Variants in HMGA2 observed in about 807,000 individuals in gnomAD.
HMGA2 encodes high mobility group protein HMGI-C.
HMGA2 carries 8 observed loss-of-function variants against 19.1 expected under a neutral mutation model. That is an observed-to-expected ratio of 0.42 (90% CI 0.25 to 0.76). The LOEUF (loss-of-function observed/expected upper bound fraction) is 0.76, where lower values mean the gene tolerates loss of function less well. Ranked by LOEUF, HMGA2 falls within the 30% of genes least tolerant of loss-of-function variation. The probability of loss-of-function intolerance (pLI) is 0.28; values close to 1 mark genes in which losing one functional copy is unlikely to be tolerated. For synonymous variants in HMGA2, 60 were observed against 48.8 expected (o/e 1.23, Z -0.96); for missense variants, 109 against 136.3 (o/e 0.80, Z 1.00).
chr12:65,905,158 G>A (rs1350678285), intron 3 of HMGA2, among the ~76,000 whole-genome samples: 1 of 151,740 alleles, frequency 6.6e-6, no homozygotes, highest in Non-Finnish European at 1.5e-5. Context: ...TATTTTGGGA[G>A]TAGGTTATAA....
chr12:65,863,875 C>T (rs547290495), intron 3 of HMGA2, among the ~76,000 whole-genome samples: 5 of 152,214 alleles, frequency 3.3e-5, no homozygotes, highest in East Asian at 1.9e-4. Flanking sequence ...TTTGGCTAAG[C>T]GATTTTAGTA....
chr12:65,866,025 C>A (rs1872391009), intron 3 of HMGA2, among the ~76,000 whole-genome samples: 1 of 152,110 alleles, frequency 6.6e-6, no homozygotes, highest in Non-Finnish European at 1.5e-5. Context: ...CTCTGGGAAT[C>A]ATAGCAAGTG....
At chr12:65,936,212 A>AT (rs5798799) in intron 3 of HMGA2, among the ~76,000 whole-genome samples, 83,375 of 144,512 alleles carry the variant, frequency 0.58, 24,344 homozygotes, top group African/African-American at 0.65. Context: ...TGTTCCATTC[A>AT]TTTTTTTTTT....
In HMGA2 at chr12:65,847,118, T is replaced by G. The variant is rs1206926988; in HGVS notation, c.249+8549T>G. Among the ~76,000 whole-genome samples the G allele has an allele frequency of 2.0e-5, 3 of 152,194 alleles. No individual in the cohort carries two copies. In the East Asian group the frequency reaches 5.8e-4, roughly 29 times the overall value. ...CACACACACACTTATATATGATATA[T>G]GAATTGGTTGTGCTATGTGCTGTGT... is the stretch of plus-strand genomic sequence containing the variant. On this transcript the variant is annotated intron_variant, in intron 3 of 4. Transcript: ENST00000403681.
intron 3 of HMGA2, among the ~76,000 whole-genome samples, chr12:65,937,618 C>T (rs1875941717): frequency 6.6e-6 from 1 of 152,188 alleles, no homozygotes; most frequent in Admixed American, 6.5e-5. Context: ...GGAACAGCTA[C>T]ACCCTTTGGT....
intron 3 of HMGA2, among the ~76,000 whole-genome samples, chr12:65,899,209 C>T (rs989491746): frequency 6.6e-6 from 1 of 152,142 alleles, no homozygotes; most frequent in African/African-American, 2.4e-5. Flanking sequence ...TGCTTCCGAA[C>T]AGATGAAAAC....
chr12:65,925,444 C>T (rs1875473371), intron 3 of HMGA2, among the ~76,000 whole-genome samples: 1 of 152,146 alleles, frequency 6.6e-6, no homozygotes, highest in Non-Finnish European at 1.5e-5. Context: ...GCAGCTTAGG[C>T]GTTTAATTAG....
At chr12:65,957,941 A>G (rs756862850) in intron 4 of HMGA2, 2 of 152,260 alleles carry the variant, frequency 1.3e-5, no homozygotes, top group Non-Finnish European at 2.9e-5. Flanking sequence ...AAATAATCAC[A>G]GAATGAGTAA....
chr12:65,850,537 A>T (rs185303075), intron 3 of HMGA2, among the ~76,000 whole-genome samples: 2 of 152,124 alleles, frequency 1.3e-5, no homozygotes, highest in African/African-American at 4.8e-5. Flanking sequence ...TTTACTAAAA[A>T]AAAAGACTTT....
chr12:65,867,580 A>G, intron 3 of HMGA2: 1 of 409,368 alleles, frequency 2.4e-6, no homozygotes, highest in South Asian at 1.8e-5. Context: ...GACTGAGCAC[A>G]CATGAATCAA....
chr12:65,860,575 C>T (rs1300057133), intron 3 of HMGA2, among the ~76,000 whole-genome samples: 5 of 152,120 alleles, frequency 3.3e-5, no homozygotes, highest in Non-Finnish European at 7.4e-5. Flanking sequence ...TTCTTCAAAA[C>T]CTAGGACTGT....
intron 3 of HMGA2, among the ~76,000 whole-genome samples, chr12:65,945,213 T>C (rs1157169856): frequency 6.6e-6 from 1 of 150,672 alleles, no homozygotes; most frequent in African/African-American, 2.5e-5. Flanking sequence ...ACATAAAAGG[T>C]GTGGGGGAGG....
At chr12:65,913,790 C>T (rs1244640291) in intron 3 of HMGA2, among the ~76,000 whole-genome samples, 3 of 152,110 alleles carry the variant, frequency 2.0e-5, no homozygotes, top group African/African-American at 4.8e-5. Flanking sequence ...TCTCAGGGTC[C>T]CCATCACAGC....
chr12:65,841,934 G>A (rs1336765792), intron 3 of HMGA2, among the ~76,000 whole-genome samples: 1 of 152,064 alleles, frequency 6.6e-6, no homozygotes, highest in Non-Finnish European at 1.5e-5. Context: ...GATCTAACGA[G>A]TGTGTTAACT....
At chr12:65,959,307 T>G (rs1876684949) in intron 4 of HMGA2, among the ~76,000 whole-genome samples, 1 of 152,086 alleles carries the variant, frequency 6.6e-6, no homozygotes, top group Non-Finnish European at 1.5e-5. Context: ...TTTAGTGGAG[T>G]TTTTTTCCAA....
Position 65,885,283 on chromosome 12 carries a change from G to A in HMGA2, c.249+46714G>A, listed in dbSNP as rs554129737. Among the ~76,000 whole-genome samples, 32 of 152,042 alleles carry A rather than the reference G, an allele frequency of 2.1e-4. No homozygotes were observed. The South Asian group carries it at 5.2e-3, about 25-fold the overall frequency. On this transcript the variant is annotated intron_variant, in intron 3 of 4. Coordinates refer to ENST00000403681, the MANE Select transcript of HMGA2 (RefSeq NM_003483.6). ...TGGTGCCCAAGTCTTAGAGAAACAT[G>A]TTTTCAGCCCTGATCATGATAAATA...
intron 3 of HMGA2, among the ~76,000 whole-genome samples, chr12:65,934,064 G>A (rs1875809616): frequency 6.6e-6 from 1 of 152,158 alleles, no homozygotes; most frequent in Non-Finnish European, 1.5e-5. Context: ...ACATGTGTTT[G>A]TATATTCACT....
At chr12:65,919,644 G>A (rs1055489355) in intron 3 of HMGA2, among the ~76,000 whole-genome samples, 5 of 152,242 alleles carry the variant, frequency 3.3e-5, no homozygotes, top group Non-Finnish European at 5.9e-5. Context: ...CACGTGAGAA[G>A]ATATAGCATG....
intron 3 of HMGA2, among the ~76,000 whole-genome samples, chr12:65,865,317 C>T (rs1872337871): frequency 6.6e-6 from 1 of 152,036 alleles, no homozygotes; most frequent in African/African-American, 2.4e-5. Flanking sequence ...GGAGTCAGTG[C>T]CCCAACCCCT....
Sources: allele counts gnomAD v4.1 joint callset (sites outside exome capture counted in the v4.1 genomes callset), GRCh38; gene constraint gnomAD v4.1.1; transcripts MANE v1.5; gene names NCBI Gene and HGNC (gene_info 2026-07-23, HGNC 2026-07-21).